The following NUP210L variants were observed in gnomAD, a reference collection of about 807,000 sequenced individuals.
The protein encoded by NUP210L is nucleoporin 210 like.
Under a neutral mutation model 208.5 loss-of-function variants are expected in NUP210L, and 74 were observed. That is an observed-to-expected ratio of 0.35 (90% CI 0.29 to 0.43). The LOEUF is 0.43. Among genes scored for constraint, NUP210L ranks in the 20% least tolerant of loss-of-function variants. NUP210L has a pLI of 1.00. For synonymous variants in NUP210L, 780 were observed against 816.9 expected (o/e 0.95, Z 0.77); for missense variants, 1,843 against 2,289.4 (o/e 0.81, Z 3.98).
At chr1:154,122,150 T>C (rs971987418) in intron 10 of NUP210L, among the ~76,000 whole-genome samples, 1 of 152,128 alleles carries the variant, frequency 6.6e-6, no homozygotes, top group Non-Finnish European at 1.5e-5. Flanking sequence ...AAACAATATT[T>C]TGAACAACTT....
chr1:154,013,358 G>A (rs1176509321), intron 33 of NUP210L, among the ~76,000 whole-genome samples: 1 of 152,176 alleles, frequency 6.6e-6, no homozygotes, highest in Admixed American at 6.6e-5. Context: ...TGGATCACTT[G>A]AGGTCAGGAG....
At chr1:154,056,333 A>G (rs1034849927) in intron 23 of NUP210L, among the ~76,000 whole-genome samples, 6 of 151,972 alleles carry the variant, frequency 3.9e-5, no homozygotes, top group Non-Finnish European at 7.4e-5. Context: ...CAAATTTTCT[A>G]TAAGAACTGT....
chr1:154,000,488 C>T (rs1004680377), intron 37 of NUP210L, among the ~76,000 whole-genome samples: 1 of 152,124 alleles, frequency 6.6e-6, no homozygotes, highest in Non-Finnish European at 1.5e-5. Context: ...TGCTTTGGAG[C>T]CATTATTAAG....
chr1:154,151,922 C>G (rs1659403636), intron 2 of NUP210L, among the ~76,000 whole-genome samples: 1 of 151,492 alleles, frequency 6.6e-6, no homozygotes, highest in African/African-American at 2.4e-5. Flanking sequence ...AACCCCCTTT[C>G]TACTAAAAAT....
At chr1:154,015,373 C>A (rs1157231660) in intron 33 of NUP210L, among the ~76,000 whole-genome samples, 1 of 150,788 alleles carries the variant, frequency 6.6e-6, no homozygotes, top group Non-Finnish European at 1.5e-5. Flanking sequence ...AACACTTGAG[C>A]CCAGGAGTTC....
At chr1:154,022,403 C>A in intron 31 of NUP210L, 60 bp from the exon 32 acceptor site, 1 of 1,332,422 alleles carries the variant, frequency 7.5e-7, no homozygotes, top group South Asian at 1.2e-5. Context: ...GAAAATAGTT[C>A]TGGAGAACAC....
At chr1:154,031,865 G>A (rs942684023) in intron 27 of NUP210L, among the ~76,000 whole-genome samples, 6 of 151,812 alleles carry the variant, frequency 4.0e-5, no homozygotes, top group Non-Finnish European at 8.8e-5. Flanking sequence ...GGGACTACAG[G>A]CATGCACCAC....
intron 38 of NUP210L, among the ~76,000 whole-genome samples, chr1:153,993,410 T>C (rs528539477): frequency 6.6e-4 from 100 of 151,532 alleles, no homozygotes; most frequent in African/African-American, 1.8e-3. Flanking sequence ...ACTAAAAATA[T>C]AAAAAATTAG....
rs190398182 is a variant in NUP210L at position 154,119,062 on chromosome 1, G to C, written c.1327-254C>G. Among the ~76,000 whole-genome samples the C allele has an allele frequency of 3.3e-4, 50 of 152,082 alleles. 1 individual carries two copies. In the East Asian group the frequency reaches 8.5e-3, roughly 26 times the overall value. Reference sequence around the variant, plus strand: ...CTAATTATCAGAATCAGGGAAAATAGCTTAAAATTCCCTGAAATAAAAGAG... The same window carrying C: ...CTAATTATCAGAATCAGGGAAAATACCTTAAAATTCCCTGAAATAAAAGAG... On this transcript the variant is annotated intron_variant, in intron 10 of 39. Coordinates refer to ENST00000368559, the Ensembl canonical transcript of NUP210L.
At chr1:154,017,709 G>A (rs543974642) in intron 33 of NUP210L, among the ~76,000 whole-genome samples, 2 of 151,676 alleles carry the variant, frequency 1.3e-5, no homozygotes, top group Non-Finnish European at 2.9e-5. Flanking sequence ...TAGAGACGGG[G>A]TTTCACCATG....
chr1:154,127,159 GATA>G, intron 9 of NUP210L, 149 bp downstream of exon 9: 1 of 419,004 alleles, frequency 2.4e-6, no homozygotes, highest in Non-Finnish European at 4.2e-6. Flanking sequence ...GAGAATTAAT[GATA>G]ATAATAAATT....
chr1:154,066,467 C>T (rs1035992471), intron 17 of NUP210L, among the ~76,000 whole-genome samples: 4 of 151,994 alleles, frequency 2.6e-5, no homozygotes, highest in Non-Finnish European at 4.4e-5. Flanking sequence ...AAAAATTAGC[C>T]GGGTGCGGTG....
intron 35 of NUP210L, among the ~76,000 whole-genome samples, chr1:154,006,926 C>CAG (rs1650570287): frequency 1.1e-5 from 1 of 88,302 alleles, no homozygotes; most frequent in Non-Finnish European, 2.3e-5. Flanking sequence ...ACACATATGT[C>CAG]TGTGTGTGTG....
At chr1:154,030,321 T>A (rs2147942678) in intron 27 of NUP210L, among the ~76,000 whole-genome samples, 1 of 151,872 alleles carries the variant, frequency 6.6e-6, no homozygotes, top group East Asian at 1.9e-4. Context: ...TATGAAAAAA[T>A]TAAAATTAAA....
intron 35 of NUP210L, among the ~76,000 whole-genome samples, chr1:154,006,647 C>A (rs1383254750): frequency 6.6e-6 from 1 of 151,304 alleles, no homozygotes; most frequent in Admixed American, 6.6e-5. Flanking sequence ...GCATGTGCCA[C>A]CATGCCCGGC....
intron 2 of NUP210L, among the ~76,000 whole-genome samples, chr1:154,144,885 G>A (rs1659041189): frequency 6.6e-6 from 1 of 152,010 alleles, no homozygotes; most frequent in Non-Finnish European, 1.5e-5. Context: ...AGGGTAGGTG[G>A]ATCACCTGAG....
At chr1:154,031,486 C>T (rs896192044) in intron 27 of NUP210L, among the ~76,000 whole-genome samples, 1 of 152,092 alleles carries the variant, frequency 6.6e-6, no homozygotes. Flanking sequence ...TTTAATCTAA[C>T]TATATTTTTG....
intron 37 of NUP210L, among the ~76,000 whole-genome samples, chr1:153,999,524 G>A (rs1361456599): frequency 3.3e-5 from 5 of 152,068 alleles, no homozygotes; most frequent in Non-Finnish European, 5.9e-5. Flanking sequence ...GATCACCTGA[G>A]GTCAGGAGTT....
chr1:154,051,482 G>A (rs61805533), intron 25 of NUP210L, among the ~76,000 whole-genome samples: 29 of 152,156 alleles, frequency 1.9e-4, no homozygotes, highest in African/African-American at 2.9e-4. Context: ...CCAAAGTGCC[G>A]GGATTACAGG....
Sources: allele counts gnomAD v4.1 joint callset (sites outside exome capture counted in the v4.1 genomes callset), GRCh38; gene constraint gnomAD v4.1.1; transcripts MANE v1.5; gene names NCBI Gene and HGNC (gene_info 2026-07-23, HGNC 2026-07-21).